KYNU: variants seen among roughly 807,000 people sequenced by gnomAD.
The protein encoded by KYNU is kynureninase, also known as L-kynurenine hydrolase.
In KYNU, 54 loss-of-function variants were observed where a neutral mutation model predicts 59.2. The ratio of observed to expected loss-of-function variants is 0.91; its 90% CI spans 0.73 to 1.14. The LOEUF (loss-of-function observed/expected upper bound fraction) is 1.14, where lower values mean the gene tolerates loss of function less well. Ranked by LOEUF, KYNU falls within the 50% of genes most tolerant of loss-of-function variation. The pLI is 0.00. For synonymous variants in KYNU, 177 were observed against 192.0 expected (o/e 0.92, Z 0.65); for missense variants, 567 against 554.4 (o/e 1.02, Z -0.23).
At chr2:142,974,277 AC>A (rs1684824554) in intron 8 of KYNU, among the ~76,000 whole-genome samples, 1 of 152,184 alleles carries the variant, frequency 6.6e-6, no homozygotes, top group Non-Finnish European at 1.5e-5. Context: ...GGGTATGGTA[AC>A]CCACATGGTG....
chr2:142,898,709 C>A (rs1170914060), intron 2 of KYNU, among the ~76,000 whole-genome samples: 1 of 152,092 alleles, frequency 6.6e-6, no homozygotes, highest in Non-Finnish European at 1.5e-5. Context: ...TCTTAGAGCT[C>A]CCAAGATGGG....
At chr2:143,002,036 G>T (rs570391906) in intron 10 of KYNU, among the ~76,000 whole-genome samples, 1 of 152,252 alleles carries the variant, frequency 6.6e-6, no homozygotes, top group Admixed American at 6.5e-5. Context: ...CCATACAGGG[G>T]TAATAGATCC....
intron 4 of KYNU, among the ~76,000 whole-genome samples, chr2:142,946,655 C>T (rs900853208): frequency 1.3e-5 from 2 of 152,082 alleles, no homozygotes; most frequent in African/African-American, 4.8e-5. Context: ...TTATAAAGCA[C>T]AGGAAGAGTA....
chr2:143,028,780 G>A (rs191376039), intron 10 of KYNU, among the ~76,000 whole-genome samples: 47 of 152,126 alleles, frequency 3.1e-4, no homozygotes, highest in Admixed American at 7.2e-4. Flanking sequence ...CCCGGAAGGC[G>A]GAGGTTGTGG....
Position 142,887,770 on chromosome 2 carries a change from A to G in KYNU, c.169+2234A>G, listed in dbSNP as rs1286799696. 3.3e-5 allele frequency among the ~76,000 whole-genome samples: 5 copies of G among 152,220 alleles called. No individual in the cohort carries two copies. The East Asian group carries it at 9.6e-4, about 29-fold the overall frequency. On this transcript the variant is annotated intron_variant, in intron 2 of 13. Coordinates refer to ENST00000264170, the MANE Select transcript of KYNU (RefSeq NM_003937.3). ...TCAGGAACTTGGAGAGGGAGAAATG[A>G]GGAGTTATTGTTTAATGGGTATAAA...
intron 11 of KYNU, among the ~76,000 whole-genome samples, chr2:143,032,811 C>T (rs1225643209): frequency 6.7e-6 from 1 of 149,302 alleles, no homozygotes; most frequent in African/African-American, 2.5e-5. Flanking sequence ...CTTCATAGGT[C>T]ATTTCATTCA....
At chr2:143,037,741 A>T (rs182965854) in intron 12 of KYNU, among the ~76,000 whole-genome samples, 2 of 152,236 alleles carry the variant, frequency 1.3e-5, no homozygotes, top group African/African-American at 4.8e-5. Flanking sequence ...TTTCTAATTT[A>T]AAAAAATTAT....
In KYNU at chr2:143,045,894, C is replaced by A. The variant is rs1463405743; in HGVS notation, c.*3722C>A. On this transcript the variant is annotated 3_prime_UTR_variant, in exon 14 of 14. Transcript: ENST00000264170. ...CTTAGTAGGAGAAACATATGTTGAA[C>A]TTGTAAGCAGAGAAGTAAATCTATA... The A allele has an allele frequency of 1.3e-5, 2 of 152,064 alleles. No homozygotes were observed. The highest frequency in any genetic ancestry group is 2.9e-5 in the Non-Finnish European group (2 of 68,018). 9.4% of individuals were successfully genotyped at this position (152,064 alleles called of 1,614,324 possible).
intron 2 of KYNU, among the ~76,000 whole-genome samples, chr2:142,892,103 A>G (rs1362160438): frequency 6.6e-6 from 1 of 152,154 alleles, no homozygotes; most frequent in Non-Finnish European, 1.5e-5. Context: ...TGGTGGAGAC[A>G]GGGTTTCACC....
chr2:143,040,053 T>C (rs1471493506), intron 12 of KYNU, among the ~76,000 whole-genome samples: 1 of 152,102 alleles, frequency 6.6e-6, no homozygotes, highest in Non-Finnish European at 1.5e-5. Flanking sequence ...AGCCTTTGTA[T>C]AAGGGCACTG....
intron 3 of KYNU, among the ~76,000 whole-genome samples, chr2:142,923,609 CATA>C (rs1226586029): frequency 6.6e-6 from 1 of 152,138 alleles, no homozygotes; most frequent in Admixed American, 6.5e-5. Context: ...GGTTAATAAT[CATA>C]ATGCCACAAT....
At chr2:143,030,884 A>G (rs1488335046) in intron 11 of KYNU, among the ~76,000 whole-genome samples, 1 of 152,222 alleles carries the variant, frequency 6.6e-6, no homozygotes, top group Non-Finnish European at 1.5e-5. Flanking sequence ...AAACACTTAC[A>G]TAGCCTAGAG....
chr2:143,032,305 A>AC lies in KYNU; in HGVS notation c.956-931_956-930insC, dbSNP rs754269061. Among the ~76,000 whole-genome samples, 73 of 122,014 alleles carry AC rather than the reference A, an allele frequency of 6.0e-4. No individual in the cohort carries two copies. In the Middle Eastern group the frequency reaches 0.013, roughly 21 times the overall value. 80.0% of individuals were successfully genotyped at this position (122,014 alleles called of 152,430 possible). A position where few individuals can be genotyped will look rare whatever the true frequency, so the allele number is the denominator to read the frequency against. On this transcript the variant is annotated intron_variant, in intron 11 of 13. Transcript: ENST00000264170. ...AAACAAAAACAAAAAAAAAAAACAA[A>AC]ACAAAAAAAACTGCTGTTTTTAAAA...
rs979630898 is a variant in KYNU at position 142,957,877 on chromosome 2, T to C, written c.582+162T>C. 1.0e-5 allele frequency: 6 copies of C among 601,960 alleles called. No individual in the cohort carries two copies. In the Admixed American group the frequency reaches 1.2e-4, roughly 12 times the overall value. The allele number at this position is 601,960 out of a possible 1,614,324, so 37.3% of individuals were successfully genotyped here. A position where few individuals can be genotyped will look rare whatever the true frequency, so the allele number is the denominator to read the frequency against. ...TACTATTAGATCATTTTGCTTAAAA[T>C]AGAGAATAACTCAGATGTGTATTTA... is the stretch of plus-strand genomic sequence containing the variant. On this transcript the variant is annotated intron_variant, in intron 7 of 13. Coordinates refer to ENST00000264170, the MANE Select transcript of KYNU (RefSeq NM_003937.3).
rs1276625237 is a variant in KYNU, at chr2:143,001,473, T to A, written c.902+15452T>A. 2.0e-5 allele frequency among the ~76,000 whole-genome samples: 3 copies of A among 152,200 alleles called. No individual in the cohort carries two copies. The South Asian group carries it at 6.2e-4, about 32-fold the overall frequency. The stretch of plus-strand genomic sequence containing the variant: ...TAATCAGGAGCATAAACAATAGATA[T>A]AGAGCCCTTAGTAACAAGTATCAAC... On this transcript the variant is annotated intron_variant, in intron 10 of 13. Coordinates refer to ENST00000264170, the MANE Select transcript of KYNU (RefSeq NM_003937.3).
chr2:142,990,323 T>G (rs1685360423), intron 10 of KYNU, among the ~76,000 whole-genome samples: 1 of 151,890 alleles, frequency 6.6e-6, no homozygotes, highest in Non-Finnish European at 1.5e-5. Context: ...ACTAAAAACA[T>G]GCTTAAATAA....
intron 8 of KYNU, 55 bp downstream of exon 8, chr2:142,960,825 A>G: frequency 6.4e-7 from 1 of 1,558,282 alleles, no homozygotes; most frequent in Non-Finnish European, 8.8e-7. Context: ...TCTACTTAAG[A>G]GTGTTCTAAT....
intron 4 of KYNU, among the ~76,000 whole-genome samples, chr2:142,951,466 C>CA (rs1683987426): frequency 6.6e-6 from 1 of 152,114 alleles, no homozygotes; most frequent in South Asian, 2.1e-4. Context: ...GCAGAGTTTG[C>CA]AGTGAGCTGT....
chr2:143,020,540 G>C (rs1352940157), intron 10 of KYNU, among the ~76,000 whole-genome samples: 2 of 152,098 alleles, frequency 1.3e-5, no homozygotes, highest in African/African-American at 4.8e-5. Context: ...ATTGTTTGTG[G>C]CCTAACATAT....
Sources: gnomAD v4.1 joint callset for allele counts (sites outside exome capture counted in the v4.1 genomes callset) on GRCh38, gnomAD v4.1.1 for gene constraint, MANE v1.5 for transcripts, NCBI Gene and HGNC (gene_info 2026-07-23, HGNC 2026-07-21) for gene names.